The following DPP10 variants were observed in gnomAD, a reference collection of about 807,000 sequenced individuals.
DPP10 encodes the protein dipeptidyl peptidase like 10.
DPP10 carries 33 observed loss-of-function variants against 120.9 expected under a neutral mutation model. That is an observed-to-expected ratio of 0.27 (90% confidence interval 0.21 to 0.37). The LOEUF (loss-of-function observed/expected upper bound fraction) is 0.37. Among genes scored for constraint, DPP10 ranks in the 10% least tolerant of loss-of-function variants. The pLI, the probability that DPP10 is intolerant of heterozygous loss-of-function variation, is 1.00. For synonymous variants in DPP10, 337 were observed against 326.1 expected, an observed-to-expected ratio of 1.03 and a Z score of -0.36; for missense variants, 816 against 942.8, an observed-to-expected ratio of 0.87 and a Z score of 1.76.
intron 1 of DPP10, among the ~76,000 whole-genome samples, chr2:114,760,124 C>A (rs1203659087): frequency 1.3e-5 from 2 of 152,200 alleles, no homozygotes; most frequent in Non-Finnish European, 1.5e-5. Context: ...GCAGGCGATG[C>A]CATTGCTGGC....
chr2:114,771,256 G>C (rs1189401603), intron 1 of DPP10, among the ~76,000 whole-genome samples: 1 of 152,180 alleles, frequency 6.6e-6, no homozygotes, highest in Non-Finnish European at 1.5e-5. Flanking sequence ...TGGGTTGCAG[G>C]AGACATTAGC....
At chr2:114,856,111 C>T (rs898848733) in intron 1 of DPP10, among the ~76,000 whole-genome samples, 8 of 152,004 alleles carry the variant, frequency 5.3e-5, no homozygotes, top group African/African-American at 1.9e-4. Context: ...CCAGGCATTG[C>T]ATGTAAGAAA....
chr2:115,691,555 C>A (rs2091315782), intron 7 of DPP10, among the ~76,000 whole-genome samples: 1 of 151,844 alleles, frequency 6.6e-6, no homozygotes, highest in South Asian at 2.1e-4. Context: ...TTTTTTCTTC[C>A]AGGTGGTTTG....
intron 9 of DPP10, among the ~76,000 whole-genome samples, chr2:115,741,692 A>G (rs1199021120): frequency 3.3e-5 from 5 of 152,182 alleles, no homozygotes; most frequent in Admixed American, 3.3e-4. Context: ...AAATTCAGTC[A>G]GTTCTGTGGA....
At chr2:115,005,726 C>A (rs896476548) in intron 1 of DPP10, among the ~76,000 whole-genome samples, 1 of 151,772 alleles carries the variant, frequency 6.6e-6, no homozygotes, top group Non-Finnish European at 1.5e-5. Flanking sequence ...GTGAAAAGAC[C>A]AAATCTGCGT....
In DPP10 at chr2:115,309,429, GT is replaced by G. The variant is rs1260474786; in HGVS notation, c.175+77del. ...TTTCGCATTCAAATGCCTTAAGAGG[GT>G]AGCAATATGTGGTATCTTAGGGCAC... On this transcript the variant is annotated intron_variant, in intron 2 of 25. Coordinates refer to ENST00000410059, the MANE Select transcript of DPP10 (RefSeq NM_020868.6). 2.1e-6 allele frequency: 3 copies of G among 1,395,828 alleles called. No homozygotes were observed. The African/African-American group carries it at 4.3e-5, about 20-fold the overall frequency. 86.5% of individuals were successfully genotyped at this position (1,395,828 alleles called of 1,614,324 possible).
intron 21 of DPP10, among the ~76,000 whole-genome samples, chr2:115,834,929 C>CA (rs879412654): frequency 4.6e-5 from 7 of 151,550 alleles, no homozygotes; most frequent in African/African-American, 1.5e-4. Flanking sequence ...ACTAAAAATA[C>CA]AAAAAAAATT....
intron 21 of DPP10, among the ~76,000 whole-genome samples, chr2:115,822,555 C>T (rs1687915228): frequency 2.6e-5 from 4 of 152,078 alleles, no homozygotes; most frequent in Admixed American, 6.5e-5. Flanking sequence ...AAATAACTGA[C>T]ATCTAAGCAA....
intron 3 of DPP10, among the ~76,000 whole-genome samples, chr2:115,350,562 T>C (rs2063958503): frequency 6.6e-6 from 1 of 152,124 alleles, no homozygotes; most frequent in African/African-American, 2.4e-5. Context: ...AATTTTGTTA[T>C]TCTGCCTGTG....
At chr2:114,663,696 G>GAGAGAGAGAGAGAGAGAGAC (rs1272120972) in intron 1 of DPP10, among the ~76,000 whole-genome samples, 1 of 146,538 alleles carries the variant, frequency 6.8e-6, no homozygotes, top group African/African-American at 2.6e-5. Flanking sequence ...GAGAGAGAGA[G>GAGAGAGAGAGAGAGAGAGAC]AAACTGACTG....
intron 1 of DPP10, among the ~76,000 whole-genome samples, chr2:115,024,071 T>A (rs11123272): frequency 0.54 from 81,302 of 151,780 alleles, 22,576 homozygotes; most frequent in East Asian, 0.65. Flanking sequence ...ACTGCTTGGG[T>A]GATGGGTGCA....
intron 21 of DPP10, among the ~76,000 whole-genome samples, chr2:115,824,630 G>C (rs1171264276): frequency 6.6e-6 from 1 of 152,068 alleles, no homozygotes; most frequent in Non-Finnish European, 1.5e-5. Context: ...CTTCATCAAT[G>C]TCCCTGCCAA....
chr2:115,190,892 A>G (rs1271952929), intron 1 of DPP10, among the ~76,000 whole-genome samples: 1 of 152,178 alleles, frequency 6.6e-6, no homozygotes, highest in Non-Finnish European at 1.5e-5. Flanking sequence ...TTCAATTGCT[A>G]TAGTTTGTTT....
intron 1 of DPP10, among the ~76,000 whole-genome samples, chr2:114,997,608 C>CA (rs1304670192): frequency 7.9e-5 from 12 of 151,156 alleles, no homozygotes; most frequent in East Asian, 3.9e-4. Context: ...TATAATTTTA[C>CA]AAAAAAACAA....
Position 115,768,415 on chromosome 2 carries a change from G to T in DPP10, c.1221+11G>T, listed in dbSNP as rs1681059694. 1.9e-6 allele frequency: 3 copies of T among 1,607,958 alleles called. No individual in the cohort carries two copies. In the Admixed American group the frequency reaches 5.0e-5, roughly 27 times the overall value. On this transcript the variant is annotated intron_variant, in intron 13 of 25. Transcript: ENST00000410059. ...ATGTTCCTCATCCAGGTAAGTGCTG[G>T]CTTTTTTCCATGTTTTGATTTCATT... is the stretch of plus-strand genomic sequence containing the variant.
intron 2 of DPP10, among the ~76,000 whole-genome samples, chr2:115,340,436 G>C (rs937073299): frequency 5.9e-5 from 9 of 151,936 alleles, no homozygotes; most frequent in Non-Finnish European, 7.4e-5. Flanking sequence ...TGAATGAAAA[G>C]CCTTAATATT....
chr2:115,122,163 C>T (rs1240956430), intron 1 of DPP10, among the ~76,000 whole-genome samples: 1 of 152,174 alleles, frequency 6.6e-6, no homozygotes, highest in Non-Finnish European at 1.5e-5. Flanking sequence ...TGAACCAGTG[C>T]TTACTGGGTA....
At chr2:115,163,114 C>G (rs1470765765) in intron 1 of DPP10, among the ~76,000 whole-genome samples, 1 of 152,148 alleles carries the variant, frequency 6.6e-6, no homozygotes, top group East Asian at 1.9e-4. Flanking sequence ...GAGGCGGACA[C>G]CCTCCCAGCT....
intron 1 of DPP10, among the ~76,000 whole-genome samples, chr2:114,919,945 A>T (rs1244832442): frequency 1.3e-5 from 2 of 152,158 alleles, no homozygotes; most frequent in Non-Finnish European, 2.9e-5. Flanking sequence ...ATTTGCTAAC[A>T]GCCTGGGGAT....
Sources: allele counts gnomAD v4.1 joint callset (sites outside exome capture counted in the v4.1 genomes callset), GRCh38; gene constraint gnomAD v4.1.1; transcripts MANE v1.5; gene names NCBI Gene and HGNC (gene_info 2026-07-23, HGNC 2026-07-21).